The following CXCL13 variants were observed in gnomAD, a reference collection of about 807,000 sequenced individuals.
CXCL13 encodes C-X-C motif chemokine ligand 13.
A neutral mutation model predicts 12.2 loss-of-function variants in CXCL13; 7 were observed. The ratio of observed to expected loss-of-function variants is 0.57; its 90% confidence interval spans 0.33 to 1.07. The LOEUF (loss-of-function observed/expected upper bound fraction) is 1.07, where lower values mean the gene tolerates loss of function less well. CXCL13 is among the 50% of genes least tolerant of loss of function. The probability of loss-of-function intolerance (pLI) is 0.04; values close to 1 mark genes in which losing one functional copy is unlikely to be tolerated. For synonymous variants in CXCL13, 47 were observed against 42.4 expected (o/e 1.11, Z -0.42); for missense variants, 113 against 127.4 (o/e 0.89, Z 0.55).
At chr4:77,536,895 C>G (rs953237078) in intron 1 of CXCL13, among the ~76,000 whole-genome samples, 2 of 152,046 alleles carry the variant, frequency 1.3e-5, no homozygotes, top group Non-Finnish European at 2.9e-5. Flanking sequence ...TTTTTATGAA[C>G]TAGAGGTGTG....
intron 1 of CXCL13, among the ~76,000 whole-genome samples, chr4:77,586,394 C>T (rs1726460034): frequency 6.6e-6 from 1 of 152,072 alleles, no homozygotes; most frequent in Non-Finnish European, 1.5e-5. Context: ...TGGTTCTTTC[C>T]ATCTTTGCTG....
intron 1 of CXCL13, among the ~76,000 whole-genome samples, chr4:77,532,685 A>G (rs533489880): frequency 6.6e-6 from 1 of 152,164 alleles, no homozygotes; most frequent in Non-Finnish European, 1.5e-5. Flanking sequence ...AGGTACACCA[A>G]TCAGACGTAG....
In CXCL13 at chr4:77,564,658, T is replaced by G. The variant is rs534470219; in HGVS notation, c.-42-41166T>G. Among the ~76,000 whole-genome samples, 15 of 152,308 alleles carry G rather than the reference T, an allele frequency of 9.8e-5. 1 individual carries two copies. In the South Asian group the frequency reaches 2.7e-3, roughly 27 times the overall value. Reference sequence around the variant, plus strand: ...GAAGAAAGCTAGGACAAAATAAGATTAAATCATTGCCCAGGGCACCTAGCA... The same window carrying G: ...GAAGAAAGCTAGGACAAAATAAGATGAAATCATTGCCCAGGGCACCTAGCA... On this transcript the variant is annotated intron_variant, in intron 1 of 4. Coordinates refer to the CXCL13 transcript ENST00000286758.
intron 1 of CXCL13, among the ~76,000 whole-genome samples, chr4:77,522,012 G>A (rs1257241386): frequency 6.6e-6 from 1 of 152,166 alleles, no homozygotes; most frequent in East Asian, 1.9e-4. Context: ...CCATGTAGTT[G>A]TGCAGTTTTG....
At chr4:77,529,775 C>T (rs1451302183) in intron 1 of CXCL13, among the ~76,000 whole-genome samples, 7 of 152,184 alleles carry the variant, frequency 4.6e-5, no homozygotes, top group Non-Finnish European at 8.8e-5. Context: ...ATTTCCTTCT[C>T]CTGCCTGATT....
chr4:77,548,599 C>A (rs1725433354), intron 1 of CXCL13, among the ~76,000 whole-genome samples: 1 of 152,212 alleles, frequency 6.6e-6, no homozygotes, highest in African/African-American at 2.4e-5. Flanking sequence ...CAAGTGAGTA[C>A]TAACCGAATT....
At chr4:77,571,673 T>G (rs1393846402) in intron 1 of CXCL13, among the ~76,000 whole-genome samples, 1 of 151,776 alleles carries the variant, frequency 6.6e-6, no homozygotes, top group Non-Finnish European at 1.5e-5. Flanking sequence ...GCTCTACCAA[T>G]CAGCAGGATG....
intron 1 of CXCL13, among the ~76,000 whole-genome samples, chr4:77,590,643 T>C (rs1444733439): frequency 6.6e-6 from 1 of 152,204 alleles, no homozygotes; most frequent in South Asian, 2.1e-4. Flanking sequence ...ACAATGTCCA[T>C]TGGCATGACA....
chr4:77,565,359 C>T (rs989478214), intron 1 of CXCL13, among the ~76,000 whole-genome samples: 77 of 152,290 alleles, frequency 5.1e-4, no homozygotes, highest in Middle Eastern at 3.4e-3. Flanking sequence ...AACTCAGATT[C>T]AACCTGGGTC....
chr4:77,550,713 T>G (rs1725496752), intron 1 of CXCL13, among the ~76,000 whole-genome samples: 1 of 152,142 alleles, frequency 6.6e-6, no homozygotes, highest in Admixed American at 6.5e-5. Flanking sequence ...GTCAGTAGGG[T>G]GTTAAAATTC....
chr4:77,572,033 C>T (rs1366631757), intron 1 of CXCL13, among the ~76,000 whole-genome samples: 1 of 151,812 alleles, frequency 6.6e-6, no homozygotes, highest in Non-Finnish European at 1.5e-5. Context: ...CACATCTGAA[C>T]ATCAGAAGGG....
intron 1 of CXCL13, among the ~76,000 whole-genome samples, chr4:77,553,351 C>A (rs1225627970): frequency 6.6e-6 from 1 of 152,234 alleles, no homozygotes; most frequent in African/African-American, 2.4e-5. Context: ...AGCAGCCATG[C>A]TGCTGGGTTG....
intron 1 of CXCL13, among the ~76,000 whole-genome samples, chr4:77,569,213 G>A (rs1448771880): frequency 6.6e-6 from 1 of 152,168 alleles, no homozygotes. Flanking sequence ...ACAAGACAAG[G>A]ATACCTTCTC....
chr4:77,551,794 T>A (rs935189055), intron 1 of CXCL13, among the ~76,000 whole-genome samples: 1 of 152,174 alleles, frequency 6.6e-6, no homozygotes, highest in African/African-American at 2.4e-5. Flanking sequence ...TTAAATTCTT[T>A]TTTCTGTATT....
At chr4:77,537,683 A>G (rs774335870) in intron 1 of CXCL13, among the ~76,000 whole-genome samples, 1 of 152,182 alleles carries the variant, frequency 6.6e-6, no homozygotes, top group African/African-American at 2.4e-5. Flanking sequence ...ACTGTGTTCC[A>G]TGTCCCAGCA....
At chr4:77,586,767 A>T (rs1330927087) in intron 1 of CXCL13, among the ~76,000 whole-genome samples, 1 of 152,176 alleles carries the variant, frequency 6.6e-6, no homozygotes, top group Non-Finnish European at 1.5e-5. Context: ...TATATGCTTG[A>T]TGTTAGTCAG....
chr4:77,527,160 CA>C (rs1374422693), intron 1 of CXCL13, among the ~76,000 whole-genome samples: 2 of 152,144 alleles, frequency 1.3e-5, no homozygotes, highest in Non-Finnish European at 2.9e-5. Flanking sequence ...CACCATTAAT[CA>C]TTCGGAAAGT....
At chr4:77,525,264 T>C (rs1724733923) in intron 1 of CXCL13, among the ~76,000 whole-genome samples, 2 of 152,254 alleles carry the variant, frequency 1.3e-5, no homozygotes, top group South Asian at 4.1e-4. Flanking sequence ...TGACTGTTGA[T>C]GTGTGTAACA....
intron 1 of CXCL13, among the ~76,000 whole-genome samples, chr4:77,514,692 GA>G (rs1724371901): frequency 1.3e-5 from 2 of 151,796 alleles, no homozygotes; most frequent in South Asian, 4.2e-4. Flanking sequence ...GTTCATTGTA[GA>G]TTCTGGATAT....
Sources: allele counts gnomAD v4.1 joint callset (sites outside exome capture counted in the v4.1 genomes callset), GRCh38; gene constraint gnomAD v4.1.1; transcripts MANE v1.5; gene names NCBI Gene and HGNC (gene_info 2026-07-23, HGNC 2026-07-21).